The following NSRP1 variants were observed in gnomAD, a reference collection of about 807,000 sequenced individuals.
NSRP1 encodes the protein coiled-coil domain containing 55.
NSRP1 carries 24 observed loss-of-function variants against 54.7 expected under a neutral mutation model. The ratio of observed to expected loss-of-function variants is 0.44; its 90% CI spans 0.32 to 0.62. NSRP1 has a LOEUF of 0.62. Ranked by LOEUF, NSRP1 falls within the 20% of genes least tolerant of loss-of-function variation. The probability of loss-of-function intolerance (pLI) is 0.06; values close to 1 mark genes in which losing one functional copy is unlikely to be tolerated. For synonymous variants in NSRP1, 210 were observed against 213.8 expected (o/e 0.98, Z 0.15); for missense variants, 596 against 651.2 (o/e 0.92, Z 0.92).
At chr17:30,125,454 C>A (rs775527130) in intron 2 of NSRP1, among the ~76,000 whole-genome samples, 4 of 152,100 alleles carry the variant, frequency 2.6e-5, no homozygotes, top group Non-Finnish European at 5.9e-5. Flanking sequence ...GCAGAGGGAG[C>A]CCTAGCACAT....
intron 6 of NSRP1, among the ~76,000 whole-genome samples, 169 bp downstream of exon 6, chr17:30,181,185 T>G (rs1255125712): frequency 6.6e-6 from 1 of 152,208 alleles, no homozygotes; most frequent in African/African-American, 2.4e-5. Context: ...TTCTTGATTT[T>G]AAAACCTACA....
chr17:30,138,918 T>TG lies in NSRP1; in HGVS notation c.114+20745_114+20746insG, dbSNP rs1567793764. Among the ~76,000 whole-genome samples, 4 of 131,452 alleles carry TG rather than the reference T, an allele frequency of 3.0e-5. No homozygotes were observed. The East Asian group carries it at 6.9e-4, about 23-fold the overall frequency. 86.2% of individuals were successfully genotyped at this position (131,452 alleles called of 152,430 possible). A position where few individuals can be genotyped will look rare whatever the true frequency, so the allele number is the denominator to read the frequency against. On this transcript the variant is annotated intron_variant, in intron 2 of 6. Coordinates refer to ENST00000247026, the MANE Select transcript of NSRP1 (RefSeq NM_032141.4). ...TATCTCAAGTCTTAGCGTTTTTTTT[T>TG]TTTTTTTTTTTTTTTTTGAGATGGA...
At chr17:30,138,138 C>T (rs1488024807) in intron 2 of NSRP1, among the ~76,000 whole-genome samples, 2 of 152,162 alleles carry the variant, frequency 1.3e-5, no homozygotes, top group South Asian at 2.1e-4. Flanking sequence ...GGGGTTATTT[C>T]ACTTAGCATA....
chr17:30,181,110 C>T (rs1353834057), intron 6 of NSRP1, 94 bp downstream of exon 6: 3 of 808,264 alleles, frequency 3.7e-6, no homozygotes, highest in African/African-American at 1.7e-5. Context: ...TGGAAGATTA[C>T]AACATTGCAT....
At chr17:30,132,245 C>CAAAAA (rs536072441) in intron 2 of NSRP1, among the ~76,000 whole-genome samples, 1 of 112,666 alleles carries the variant, frequency 8.9e-6, no homozygotes, top group Admixed American at 9.7e-5. Context: ...GAGACTGTCT[C>CAAAAA]AAAAAAAAAA....
chr17:30,122,350 TTCATATATATATA>T (rs2071606233), intron 2 of NSRP1: 1 of 78,246 alleles, frequency 1.3e-5, no homozygotes. Context: ...TAACTCTGGT[TTCATATATATATA>T]TATATATATA....
chr17:30,129,276 G>T (rs1029224819), intron 2 of NSRP1, among the ~76,000 whole-genome samples: 1 of 151,832 alleles, frequency 6.6e-6, no homozygotes, highest in African/African-American at 2.4e-5. Context: ...AATACTTAGG[G>T]TTGTACAATG....
chr17:30,163,679 CTTTTT>C (rs370423700), intron 2 of NSRP1, among the ~76,000 whole-genome samples: 2 of 90,878 alleles, frequency 2.2e-5, no homozygotes, highest in East Asian at 6.5e-4. Context: ...ACTTTGACCA[CTTTTT>C]TTTTTTTTTT....
Position 30,185,165 on chromosome 17 carries a change from A to C in NSRP1, c.1168A>C (p.Arg390=). 1.3e-6 allele frequency: 2 copies of C among 1,581,512 alleles called. No individual in the cohort carries two copies. Among genetic ancestry groups the C allele is most frequent in the Non-Finnish European group, 1.7e-6 (2 of 1,163,202 alleles). ...REKDREKYSQ[R]EQERDRQQND... The stretch of plus-strand genomic sequence containing the variant: ...GAAAGATAGGGAGAAATATTCCCAA[A>C]GAGAACAAGAAAGAGATAGACAACA... The change falls in exon 7 of 7, where the codon AGA becomes CGA. Residue 390 remains arginine, a synonymous_variant. Transcript: ENST00000247026.
At chr17:30,168,376 A>C (rs1010595609) in intron 2 of NSRP1, among the ~76,000 whole-genome samples, 7 of 151,992 alleles carry the variant, frequency 4.6e-5, no homozygotes, top group African/African-American at 1.7e-4. Context: ...ATATTTAAAG[A>C]ATCATAAAAA....
chr17:30,158,277 AT>A (rs1904383772), intron 2 of NSRP1, among the ~76,000 whole-genome samples: 1 of 139,370 alleles, frequency 7.2e-6, no homozygotes, highest in African/African-American at 2.6e-5. Context: ...AGAAATGTCT[AT>A]TTCATGTCCT....
chr17:30,186,313 G>A lies in NSRP1; in HGVS notation c.*639G>A, dbSNP rs1354352114. ...AATTTAACTCTTCTAATAATGTTTTGTTGCAGGAAATGTATTTCAGATAAA... is the reference window on the plus strand; with the variant it reads ...AATTTAACTCTTCTAATAATGTTTTATTGCAGGAAATGTATTTCAGATAAA... On this transcript the variant is annotated 3_prime_UTR_variant, in exon 7 of 7. Coordinates refer to ENST00000247026, the MANE Select transcript of NSRP1 (RefSeq NM_032141.4). 5 of 152,048 alleles carry A rather than the reference G, an allele frequency of 3.3e-5. No individual in the cohort carries two copies. The highest frequency in any genetic ancestry group is 1.5e-5 in the Non-Finnish European group (1 of 68,006). 9.4% of individuals were successfully genotyped at this position (152,048 alleles called of 1,614,324 possible).
intron 2 of NSRP1, among the ~76,000 whole-genome samples, chr17:30,158,355 TCTGGATATTAGTCA>T (rs1379986053): frequency 1.3e-5 from 2 of 151,626 alleles, no homozygotes; most frequent in East Asian, 3.9e-4. Context: ...CCTTCTATAT[TCTGGATATTAGTCA>T]CTTGTCAGAT....
At chr17:30,129,776 T>TA (rs2071683527) in intron 2 of NSRP1, among the ~76,000 whole-genome samples, 2 of 152,194 alleles carry the variant, frequency 1.3e-5, no homozygotes, top group Admixed American at 1.3e-4. Flanking sequence ...ATAGTTCAAA[T>TA]AAAAAGACAG....
intron 2 of NSRP1, among the ~76,000 whole-genome samples, chr17:30,141,585 GT>G (rs1308171446): frequency 6.6e-6 from 1 of 152,022 alleles, no homozygotes; most frequent in African/African-American, 2.4e-5. Flanking sequence ...TGAAATGAAT[GT>G]TTTCCCTGTT....
Position 30,179,168 on chromosome 17 carries a change from C to A in NSRP1, c.379C>A (p.Gln127Lys). 2 of 1,607,328 alleles carry A rather than the reference C, an allele frequency of 1.2e-6. No individual in the cohort carries two copies. The highest frequency in any genetic ancestry group is 1.7e-6 in the Non-Finnish European group (2 of 1,176,210). ...GGAAAAAAGAATGGAAAAGAAAATACAGAGAGAACGAGAAATGGAAAAGGG... is the reference window on the plus strand; with the variant it reads ...GGAAAAAAGAATGGAAAAGAAAATAAAGAGAGAACGAGAAATGGAAAAGGG... ...EQEKRMEKKI[Q>K]REREMEKGEF... Residue 127 changes from glutamine (Q) to lysine (K), a missense_variant, in exon 5 of 7, where the codon CAG becomes AAG. Gln to Lys is a moderately conservative substitution (Grantham distance 53). Coordinates refer to ENST00000247026, the MANE Select transcript of NSRP1 (RefSeq NM_032141.4).
intron 2 of NSRP1, among the ~76,000 whole-genome samples, chr17:30,124,281 C>T (rs576843749): frequency 4.6e-5 from 7 of 152,148 alleles, no homozygotes; most frequent in East Asian, 3.9e-4. Context: ...AAAGAAAAAG[C>T]GATATGAAAT....
rs142340960 is a variant in NSRP1 at position 30,125,584 on chromosome 17, G to T, written c.114+7411G>T. Among the ~76,000 whole-genome samples the T allele has an allele frequency of 9.8e-3, 1,487 of 152,292 alleles. 23 individuals carry two copies. The highest frequency in any genetic ancestry group is 0.034 in the African/African-American group (1,409 of 41,546). ...CTTTTTTGAGACAGAGTCTAGCTCT[G>T]TCATCCAGGCTGGAGTGCAGTGGCG... On this transcript the variant is annotated intron_variant, in intron 2 of 6. Coordinates refer to ENST00000247026, the MANE Select transcript of NSRP1 (RefSeq NM_032141.4).
intron 2 of NSRP1, among the ~76,000 whole-genome samples, chr17:30,120,651 A>G (rs1198925201): frequency 6.6e-6 from 1 of 152,228 alleles, no homozygotes; most frequent in Non-Finnish European, 1.5e-5. Context: ...AAACTAATAT[A>G]CTGAGGATTC....
Sources: allele counts gnomAD v4.1 joint callset (sites outside exome capture counted in the v4.1 genomes callset), GRCh38; gene constraint gnomAD v4.1.1; transcripts MANE v1.5; gene names NCBI Gene and HGNC (gene_info 2026-07-23, HGNC 2026-07-21).